NFU1: variants seen among roughly 807,000 people sequenced by gnomAD.
NFU1 encodes the protein NFU1 iron-sulfur cluster scaffold homolog, mitochondrial.
Under a neutral mutation model 32.2 loss-of-function variants are expected in NFU1, and 30 were observed. That is an observed-to-expected ratio of 0.93 (90% CI 0.70 to 1.26). The LOEUF is 1.26. Ranked by LOEUF, NFU1 falls within the 50% of genes most tolerant of loss-of-function variation. The pLI is 0.00. For missense variants in NFU1, 306 were observed against 306.6 expected (o/e 1.00, Z 0.02); for synonymous variants, 112 against 104.6 (o/e 1.07, Z -0.43).
At chr2:69,438,555 G>A (rs1425125289), upstream of NFU1, among the ~76,000 whole-genome samples, 1 of 152,114 alleles carries the variant, frequency 6.6e-6, no homozygotes, top group Admixed American at 6.5e-5. Flanking sequence ...ACCTCACCCT[G>A]CCTAGTAGTG....
At chr2:69,397,706 A>G (rs1211840003) in intron 7 of NFU1, among the ~76,000 whole-genome samples, 1 of 151,998 alleles carries the variant, frequency 6.6e-6, no homozygotes, top group Non-Finnish European at 1.5e-5. Context: ...TGAGGTCAAG[A>G]GTTCAAGACC....
chr2:69,428,103 T>G (rs1673524958), intron 2 of NFU1, among the ~76,000 whole-genome samples: 1 of 152,098 alleles, frequency 6.6e-6, no homozygotes, highest in South Asian at 2.1e-4. Context: ...TTAAATAGAC[T>G]GACAATACTA....
At chr2:69,396,412 A>G in intron 7 of NFU1, 122 bp from the exon 8 acceptor site, 1 of 672,224 alleles carries the variant, frequency 1.5e-6, no homozygotes, top group Non-Finnish European at 2.6e-6. Context: ...CAAGCCAGTA[A>G]GAATAAATCT....
rs754198001 is a variant in NFU1, at chr2:69,423,610, C to A, written c.274G>T (p.Ala92Ser). 1.9e-6 allele frequency: 3 copies of A among 1,613,548 alleles called. No individual in the cohort carries two copies. In the African/African-American group the frequency reaches 4.0e-5, roughly 22 times the overall value. Reference protein sequence around the residue: ...ETRTMDFPTPAAAFRSPLARQ... With the variant: ...ETRTMDFPTPSAAFRSPLARQ... ...GCCAGAGGGGAGCGAAATGCTGCAG[C>A]TGGGGTGGGAAAATCCATGGTCCTT... The change falls in exon 3 of 8, where the codon GCT becomes TCT. Residue 92 changes from alanine (A) to serine (S), a missense_variant. Ala to Ser is a moderately conservative substitution (Grantham distance 99). Coordinates refer to ENST00000410022, the MANE Select transcript of NFU1 (RefSeq NM_001002755.4).
chr2:69,418,940 T>C (rs181478867), intron 4 of NFU1, among the ~76,000 whole-genome samples: 11 of 152,342 alleles, frequency 7.2e-5, no homozygotes, highest in Admixed American at 7.2e-4. Context: ...CAAATTTAAA[T>C]AGTTCATGTC....
chr2:69,419,536 A>C lies in NFU1; in HGVS notation c.369+2T>G. The C allele has an allele frequency of 6.5e-7, 1 of 1,528,598 alleles. No individual in the cohort carries two copies. The highest frequency in any genetic ancestry group is 9.1e-7 in the Non-Finnish European group (1 of 1,104,564). The allele number at this position is 1,528,598 out of a possible 1,614,324, so 94.7% of individuals were successfully genotyped here. On this transcript the variant is annotated splice_donor_variant, in intron 4 of 7. Coordinates refer to ENST00000410022, the MANE Select transcript of NFU1 (RefSeq NM_001002755.4). LOFTEE classifies it high-confidence loss of function. ...TCTTATTTTATATAATCCTATGTTT[A>C]CCTTTGTGACAGTGATGAAATCTGG...
At chr2:69,421,719 CACCA>C (rs1456397968) in intron 3 of NFU1, among the ~76,000 whole-genome samples, 1 of 151,986 alleles carries the variant, frequency 6.6e-6, no homozygotes, top group Non-Finnish European at 1.5e-5. Context: ...AGGCGCCCGC[CACCA>C]CATCCGGCTA....
intron 6 of NFU1, among the ~76,000 whole-genome samples, chr2:69,402,420 A>AGG (rs1672552778): frequency 1.3e-5 from 2 of 152,004 alleles, no homozygotes; most frequent in African/African-American, 4.8e-5. Context: ...TAAAACTCCT[A>AGG]AGCTCAAGGG....
At chr2:69,404,488 C>CAA (rs1311341166) in intron 6 of NFU1, among the ~76,000 whole-genome samples, 8 of 141,842 alleles carry the variant, frequency 5.6e-5, no homozygotes, top group African/African-American at 2.1e-4. Context: ...GACTCTGTCT[C>CAA]AAAAAAAAAA....
At chr2:69,421,799 T>C (rs561466465) in intron 3 of NFU1, among the ~76,000 whole-genome samples, 18 of 151,908 alleles carry the variant, frequency 1.2e-4, no homozygotes, top group Non-Finnish European at 2.6e-4. Flanking sequence ...TCTCCTGACA[T>C]GATCCGCCCG....
At chr2:69,403,438 C>T (rs2104742598) in intron 6 of NFU1, among the ~76,000 whole-genome samples, 1 of 151,486 alleles carries the variant, frequency 6.6e-6, no homozygotes, top group East Asian at 1.9e-4. Context: ...TCTCCTTGAC[C>T]AGAGTGCAAT....
intron 5 of NFU1, among the ~76,000 whole-genome samples, chr2:69,410,422 A>G (rs1464071161): frequency 6.6e-6 from 1 of 152,138 alleles, no homozygotes; most frequent in Non-Finnish European, 1.5e-5. Context: ...CAGGCAGCAC[A>G]GTGTAGTGGT....
chr2:69,421,638 G>T (rs1466507435), intron 3 of NFU1, among the ~76,000 whole-genome samples: 1 of 144,046 alleles, frequency 6.9e-6, no homozygotes, highest in Admixed American at 7.4e-5. Context: ...CGCTATCTCG[G>T]CTCACTGCAA....
intron 5 of NFU1, among the ~76,000 whole-genome samples, chr2:69,408,381 TTGC>T (rs1051880232): frequency 2.0e-5 from 3 of 152,212 alleles, no homozygotes; most frequent in Non-Finnish European, 1.5e-5. Flanking sequence ...TTTATACAGT[TTGC>T]TGCTATTTCT....
chr2:69,428,014 C>T (rs1489706098), intron 2 of NFU1, among the ~76,000 whole-genome samples: 1 of 152,102 alleles, frequency 6.6e-6, no homozygotes, highest in Non-Finnish European at 1.5e-5. Flanking sequence ...CAGAGCAAGA[C>T]TCTGTCTCAA....
intron 1 of NFU1, among the ~76,000 whole-genome samples, chr2:69,432,956 C>A (rs1367650007): frequency 1.3e-5 from 2 of 151,808 alleles, no homozygotes; most frequent in Non-Finnish European, 2.9e-5. Flanking sequence ...TCGAGACGAG[C>A]CTGCCCAACA....
At chr2:69,416,015 A>G (rs1673038954) in intron 4 of NFU1, among the ~76,000 whole-genome samples, 3 of 151,936 alleles carry the variant, frequency 2.0e-5, no homozygotes, top group Non-Finnish European at 1.5e-5. Context: ...AAGAGAAAAA[A>G]GCAGCAGAAA....
intron 2 of NFU1, among the ~76,000 whole-genome samples, chr2:69,429,466 C>G (rs1673567777): frequency 6.6e-6 from 1 of 150,950 alleles, no homozygotes; most frequent in South Asian, 2.1e-4. Flanking sequence ...GAGGCTAAGG[C>G]AAGAGGACTG....
At chr2:69,413,403 C>T (rs781306061) in intron 5 of NFU1, among the ~76,000 whole-genome samples, 22 of 147,720 alleles carry the variant, frequency 1.5e-4, no homozygotes, top group Non-Finnish European at 2.8e-4. Context: ...TTAAAATATA[C>T]GGCTAATGTG....
Sources: gnomAD v4.1 joint callset for allele counts (sites outside exome capture counted in the v4.1 genomes callset) on GRCh38, gnomAD v4.1.1 for gene constraint, MANE v1.5 for transcripts, NCBI Gene and HGNC (gene_info 2026-07-23, HGNC 2026-07-21) for gene names.